Variants in ZNF385D observed in about 807,000 individuals in gnomAD.
The protein encoded by ZNF385D is zinc finger protein 659.
ZNF385D carries 15 observed loss-of-function variants against 35.8 expected under a neutral mutation model. The observed-to-expected ratio is 0.42, with a 90% CI of 0.28 to 0.64. The LOEUF (loss-of-function observed/expected upper bound fraction) is 0.64, where lower values mean the gene tolerates loss of function less well. ZNF385D is among the 30% of genes least tolerant of loss of function. ZNF385D has a pLI of 0.23. For synonymous variants in ZNF385D, 212 were observed against 186.8 expected (o/e 1.13, Z -1.10); for missense variants, 474 against 494.6 (o/e 0.96, Z 0.39).
intron 2 of ZNF385D, among the ~76,000 whole-genome samples, chr3:22,275,643 T>C (rs1701388550): frequency 6.6e-6 from 1 of 152,138 alleles, no homozygotes; most frequent in Non-Finnish European, 1.5e-5. Flanking sequence ...TATTTGGCAT[T>C]TGGAAAAGCC....
At chr3:22,171,337 T>C (rs1346719127) in intron 2 of ZNF385D, among the ~76,000 whole-genome samples, 2 of 152,304 alleles carry the variant, frequency 1.3e-5, no homozygotes, top group South Asian at 4.1e-4. Flanking sequence ...GAACATGTGC[T>C]AACAATTTAG....
chr3:22,108,129 G>T lies in ZNF385D; in HGVS notation c.325+60688C>A, dbSNP rs535146709. On this transcript the variant is annotated intron_variant, in intron 3 of 5. Coordinates refer to the ZNF385D transcript ENST00000494108. ...TTCTTTACAAATTACACAGTGTCAG[G>T]CATTCTGTTACAGCAGCATAAAGTG... is the stretch of plus-strand genomic sequence containing the variant. Among the ~76,000 whole-genome samples the T allele has an allele frequency of 4.5e-4, 68 of 151,930 alleles. 1 individual carries two copies. In the South Asian group the frequency reaches 0.012, roughly 28 times the overall value.
At chr3:21,631,333 C>T (rs929918416) in intron 2 of ZNF385D, among the ~76,000 whole-genome samples, 1 of 151,908 alleles carries the variant, frequency 6.6e-6, no homozygotes, top group African/African-American at 2.4e-5. Flanking sequence ...ATCAATATTT[C>T]CAGAACACAT....
upstream of ZNF385D, among the ~76,000 whole-genome samples, chr3:21,752,126 G>A (rs998341377): frequency 4.7e-5 from 7 of 149,394 alleles, no homozygotes; most frequent in African/African-American, 1.7e-4. Flanking sequence ...ATGAATTGCA[G>A]TCCTTATCTT....
intron 3 of ZNF385D, among the ~76,000 whole-genome samples, chr3:21,524,076 T>C (rs1291875618): frequency 1.3e-5 from 2 of 152,250 alleles, no homozygotes; most frequent in Non-Finnish European, 2.9e-5. Context: ...AAATGCACGA[T>C]TGGAGATTTC....
intron 3 of ZNF385D, among the ~76,000 whole-genome samples, chr3:21,988,210 G>A (rs1195945919): frequency 1.6e-5 from 2 of 128,666 alleles, no homozygotes; most frequent in Non-Finnish European, 3.4e-5. Context: ...CGTTGCTGGT[G>A]AGGAACTGCG....
chr3:21,660,848 C>G (rs997090109), intron 2 of ZNF385D, among the ~76,000 whole-genome samples: 1 of 152,142 alleles, frequency 6.6e-6, no homozygotes, highest in African/African-American at 2.4e-5. Context: ...TAGCCTTTGT[C>G]CACAGTTACA....
intron 3 of ZNF385D, among the ~76,000 whole-genome samples, chr3:22,096,575 G>A (rs929885646): frequency 6.6e-6 from 1 of 151,954 alleles, no homozygotes; most frequent in Non-Finnish European, 1.5e-5. Flanking sequence ...AAGTGTTGAG[G>A]AGAAATTTTA....
At chr3:21,451,361 A>G (rs1702448571) in intron 4 of ZNF385D, among the ~76,000 whole-genome samples, 1 of 152,272 alleles carries the variant, frequency 6.6e-6, no homozygotes, top group South Asian at 2.1e-4. Context: ...CAAGTAGTCT[A>G]CTGTGTATGT....
At chr3:22,214,194 CTG>C (rs1697706550) in intron 2 of ZNF385D, among the ~76,000 whole-genome samples, 1 of 151,958 alleles carries the variant, frequency 6.6e-6, no homozygotes, top group Non-Finnish European at 1.5e-5. Flanking sequence ...ACTGCAATCT[CTG>C]AACATAAATT....
chr3:22,243,154 T>G (rs1699586909), intron 2 of ZNF385D, among the ~76,000 whole-genome samples: 1 of 150,524 alleles, frequency 6.6e-6, no homozygotes. Context: ...ATCTAGAATA[T>G]AAAAATAACA....
intron 3 of ZNF385D, among the ~76,000 whole-genome samples, chr3:21,543,953 C>G (rs1470221799): frequency 6.6e-6 from 1 of 152,118 alleles, no homozygotes; most frequent in African/African-American, 2.4e-5. Flanking sequence ...GCATGTTTTC[C>G]TAGCCCTGTT....
At chr3:21,743,083 T>C (rs73048217) in intron 1 of ZNF385D, among the ~76,000 whole-genome samples, 11,465 of 152,206 alleles carry the variant, frequency 0.075, 799 homozygotes, top group East Asian at 0.25. Flanking sequence ...AACAAAACTT[T>C]ACAAATGTGA....
chr3:21,460,522 A>T (rs895067158), intron 4 of ZNF385D, among the ~76,000 whole-genome samples: 5 of 151,928 alleles, frequency 3.3e-5, no homozygotes, highest in East Asian at 3.9e-4. Flanking sequence ...AACCAATTTT[A>T]AAAAATTATT....
At chr3:22,130,720 C>A (rs745917739) in intron 3 of ZNF385D, among the ~76,000 whole-genome samples, 2 of 152,106 alleles carry the variant, frequency 1.3e-5, no homozygotes, top group African/African-American at 2.4e-5. Context: ...TCAAGACTGC[C>A]TTTTCTACCA....
chr3:21,654,912 A>G (rs569445194), intron 2 of ZNF385D, among the ~76,000 whole-genome samples: 3 of 152,182 alleles, frequency 2.0e-5, no homozygotes, highest in Non-Finnish European at 2.9e-5. Flanking sequence ...ACTAAGAGTA[A>G]TTGTTCTTTA....
At chr3:21,612,300 G>A (rs1312309695) in intron 2 of ZNF385D, among the ~76,000 whole-genome samples, 4 of 151,920 alleles carry the variant, frequency 2.6e-5, no homozygotes, top group Admixed American at 2.0e-4. Context: ...GGGTATCACC[G>A]TGTTGGGCAG....
intron 3 of ZNF385D, among the ~76,000 whole-genome samples, chr3:21,905,259 T>C (rs1394268626): frequency 6.7e-6 from 1 of 148,812 alleles, no homozygotes; most frequent in African/African-American, 2.5e-5. Flanking sequence ...TTTTTAATGT[T>C]ATAAAGGGAA....
intron 2 of ZNF385D, among the ~76,000 whole-genome samples, chr3:22,228,300 C>T (rs1324979622): frequency 6.6e-6 from 1 of 152,158 alleles, no homozygotes; most frequent in South Asian, 2.1e-4. Context: ...TGGCAGTGGC[C>T]ATAGCACTGC....
Sources: gnomAD v4.1 joint callset for allele counts (sites outside exome capture counted in the v4.1 genomes callset) on GRCh38, gnomAD v4.1.1 for gene constraint, MANE v1.5 for transcripts, NCBI Gene and HGNC (gene_info 2026-07-23, HGNC 2026-07-21) for gene names.